FILIP1L: variants seen among roughly 807,000 people sequenced by gnomAD.
FILIP1L encodes filamin A interacting protein 1 like.
Under a neutral mutation model 96.6 loss-of-function variants are expected in FILIP1L, and 55 were observed. That is an observed-to-expected ratio of 0.57 (90% CI 0.46 to 0.71). The LOEUF (loss-of-function observed/expected upper bound fraction) is 0.71. Among genes scored for constraint, FILIP1L ranks in the 30% least tolerant of loss-of-function variants. FILIP1L has a pLI of 0.00. For missense variants in FILIP1L, 1,304 were observed against 1,321.2 expected (o/e 0.99, Z 0.20); for synonymous variants, 467 against 473.9 (o/e 0.99, Z 0.19).
chr3:100,087,006 A>G (rs1041652777), intron 1 of FILIP1L, among the ~76,000 whole-genome samples: 4 of 152,214 alleles, frequency 2.6e-5, no homozygotes, highest in Admixed American at 2.6e-4. Flanking sequence ...TTGAGATACT[A>G]TCCAAATTGT....
chr3:99,982,781 A>G (rs1709166090), intron 1 of FILIP1L, among the ~76,000 whole-genome samples: 2 of 152,210 alleles, frequency 1.3e-5, no homozygotes, highest in African/African-American at 4.8e-5. Context: ...TCATTTTTCA[A>G]AAATGTGCTT....
At chr3:100,107,968 A>T (rs541944012) in intron 1 of FILIP1L, among the ~76,000 whole-genome samples, 1 of 152,124 alleles carries the variant, frequency 6.6e-6, no homozygotes, top group African/African-American at 2.4e-5. Flanking sequence ...TCGGTCAAGA[A>T]AATTTCTGGT....
At chr3:100,057,071 A>G (rs1038698698) in intron 1 of FILIP1L, among the ~76,000 whole-genome samples, 1 of 152,130 alleles carries the variant, frequency 6.6e-6, no homozygotes, top group Non-Finnish European at 1.5e-5. Context: ...AGAACTAATG[A>G]TTGGCAGGCT....
chr3:99,892,824 C>G (rs1357253656), intron 4 of FILIP1L, among the ~76,000 whole-genome samples: 1 of 152,212 alleles, frequency 6.6e-6, no homozygotes, highest in Non-Finnish European at 1.5e-5. Flanking sequence ...CAGATTTTAT[C>G]CTTGATCTAA....
At chr3:99,915,573 T>C (rs1411349639) in intron 4 of FILIP1L, among the ~76,000 whole-genome samples, 2 of 152,228 alleles carry the variant, frequency 1.3e-5, no homozygotes, top group African/African-American at 4.8e-5. Context: ...CAAACTAACA[T>C]TTCTGTTTCT....
At chr3:99,843,897 T>G (rs1468084459) in intron 5 of FILIP1L, among the ~76,000 whole-genome samples, 3 of 152,306 alleles carry the variant, frequency 2.0e-5, no homozygotes, top group African/African-American at 7.2e-5. Flanking sequence ...TATTGTGAAC[T>G]GCACATGCGA....
intron 4 of FILIP1L, among the ~76,000 whole-genome samples, chr3:99,914,683 C>T (rs955772117): frequency 6.6e-6 from 1 of 152,146 alleles, no homozygotes; most frequent in Non-Finnish European, 1.5e-5. Context: ...TAAATAGGTT[C>T]ATAACTTTTG....
chr3:99,945,806 A>G (rs1707990529), intron 1 of FILIP1L, among the ~76,000 whole-genome samples: 1 of 152,166 alleles, frequency 6.6e-6, no homozygotes, highest in South Asian at 2.1e-4. Flanking sequence ...TTTAACCCCA[A>G]TTTTTTTAAA....
intron 4 of FILIP1L, among the ~76,000 whole-genome samples, chr3:99,874,758 CTG>C (rs1255224774): frequency 6.6e-6 from 1 of 152,086 alleles, no homozygotes; most frequent in Non-Finnish European, 1.5e-5. Flanking sequence ...TTTTTAAATG[CTG>C]TGTTTCAATG....
At chr3:100,031,916 A>G (rs1340978221) in intron 1 of FILIP1L, among the ~76,000 whole-genome samples, 1 of 152,226 alleles carries the variant, frequency 6.6e-6, no homozygotes, top group East Asian at 1.9e-4. Context: ...ATTAATGAGC[A>G]TGGCTGTGTT....
chr3:99,987,917 C>T (rs1407342319), intron 1 of FILIP1L, among the ~76,000 whole-genome samples: 1 of 152,164 alleles, frequency 6.6e-6, no homozygotes, highest in South Asian at 2.1e-4. Flanking sequence ...AGTCTCTCAT[C>T]CTGTTGGATT....
intron 1 of FILIP1L, among the ~76,000 whole-genome samples, chr3:99,931,590 A>G (rs2107663941): frequency 6.6e-6 from 1 of 152,298 alleles, no homozygotes; most frequent in Non-Finnish European, 1.5e-5. Flanking sequence ...TTGAAGGCCA[A>G]GTCTAGTATT....
chr3:100,112,906 T>G (rs1401788499), intron 1 of FILIP1L, among the ~76,000 whole-genome samples: 1 of 152,234 alleles, frequency 6.6e-6, no homozygotes, highest in Non-Finnish European at 1.5e-5. Flanking sequence ...TATTTGGCTT[T>G]GGGAGATAGC....
chr3:99,888,032 C>T (rs1159305642), intron 4 of FILIP1L, among the ~76,000 whole-genome samples: 2 of 152,204 alleles, frequency 1.3e-5, no homozygotes, highest in African/African-American at 4.8e-5. Flanking sequence ...GCATGAGCCA[C>T]TGTGCCTGGC....
chr3:99,851,187 A>C (rs1041525860), intron 4 of FILIP1L, 117 bp from the exon 5 acceptor site: 9 of 798,048 alleles, frequency 1.1e-5, no homozygotes, highest in Non-Finnish European at 1.7e-5. Context: ...GTCAGTTCAT[A>C]TACAATATGC....
chr3:99,956,588 C>G lies in FILIP1L; in HGVS notation c.-10-25558G>C, dbSNP rs184569322. Reference sequence around the variant, plus strand: ...TCTCGAATTCCTGACCTCAGATGATCCACCTGCCTCGGCCTTCCAAAGTGC... The same window carrying G: ...TCTCGAATTCCTGACCTCAGATGATGCACCTGCCTCGGCCTTCCAAAGTGC... On this transcript the variant is annotated intron_variant, in intron 1 of 5. Coordinates refer to ENST00000477258, the MANE Select transcript of FILIP1L (RefSeq NM_001387850.1). Among the ~76,000 whole-genome samples the G allele has an allele frequency of 3.2e-3, 486 of 152,316 alleles. 2 individuals are homozygous for G. The highest frequency in any genetic ancestry group is 5.4e-3 in the Non-Finnish European group (364 of 68,028).
chr3:99,828,964 A>T lies in FILIP1L; in HGVS notation c.*1450T>A, dbSNP rs1324045529. On this transcript the variant is annotated 3_prime_UTR_variant, in exon 6 of 6. Transcript: ENST00000477258. ...ATCATCCCTCTCAATGCTGCCCATC[A>T]TCCCTTTCAATGCTGCCCAGGCCTC... Among the ~76,000 whole-genome samples the T allele has an allele frequency of 4.0e-5, 6 of 150,986 alleles. No individual in the cohort carries two copies. The highest frequency in any genetic ancestry group is 3.5e-3 in the Middle Eastern group (1 of 288).
chr3:99,961,046 A>G (rs1708476135), intron 1 of FILIP1L, among the ~76,000 whole-genome samples: 1 of 152,216 alleles, frequency 6.6e-6, no homozygotes, highest in Non-Finnish European at 1.5e-5. Context: ...TTATTGTCAC[A>G]GTTTACAGTG....
At chr3:100,067,166 C>CGTTT (rs4062235) in intron 1 of FILIP1L, among the ~76,000 whole-genome samples, 48,099 of 150,878 alleles carry the variant, frequency 0.32, 8,632 homozygotes, top group Non-Finnish European at 0.4. Flanking sequence ...TTTTTGATCT[C>CGTTT]GTTTGTTTGT....
Sources: allele counts gnomAD v4.1 joint callset (sites outside exome capture counted in the v4.1 genomes callset), GRCh38; gene constraint gnomAD v4.1.1; transcripts MANE v1.5; gene names NCBI Gene and HGNC (gene_info 2026-07-23, HGNC 2026-07-21).